MGAT4C: variants seen among roughly 807,000 people sequenced by gnomAD.
MGAT4C encodes the protein MGAT4 family member C, also known as alpha-1,3-mannosyl-glycoprotein 4-beta-N-acetylglucosaminyltransferase C.
A neutral mutation model predicts 40.1 loss-of-function variants in MGAT4C; 19 were observed. The ratio of observed to expected loss-of-function variants is 0.47; its 90% CI spans 0.33 to 0.70. MGAT4C has a LOEUF of 0.70. MGAT4C is among the 30% of genes least tolerant of loss of function. MGAT4C has a pLI of 0.02. For missense variants in MGAT4C, 491 were observed against 563.2 expected (o/e 0.87, Z 1.30); for synonymous variants, 181 against 187.1 (o/e 0.97, Z 0.27).
intron 2 of MGAT4C, among the ~76,000 whole-genome samples, chr12:86,681,386 C>A (rs1039758695): frequency 5.3e-5 from 8 of 152,014 alleles, no homozygotes; most frequent in Non-Finnish European, 1.2e-4. Flanking sequence ...ATGAGATTTT[C>A]CCTCTTCATA....
chr12:86,010,822 C>T (rs897664246), intron 2 of MGAT4C, among the ~76,000 whole-genome samples: 2 of 152,054 alleles, frequency 1.3e-5, no homozygotes, highest in Admixed American at 1.3e-4. Context: ...TTAATCCATT[C>T]ATGGATTAAT....
chr12:86,551,699 C>A (rs376241695), intron 2 of MGAT4C, among the ~76,000 whole-genome samples: 3 of 152,270 alleles, frequency 2.0e-5, no homozygotes, highest in East Asian at 3.9e-4. Flanking sequence ...TGATGGCAAA[C>A]CCACTGTGTG....
intron 1 of MGAT4C, among the ~76,000 whole-genome samples, chr12:86,092,270 C>T (rs1873020379): frequency 6.6e-6 from 1 of 152,000 alleles, no homozygotes; most frequent in African/African-American, 2.4e-5. Context: ...ACTTCATTCT[C>T]AACATGTTTG....
At chr12:86,179,200 C>T (rs1887833336) in intron 1 of MGAT4C, among the ~76,000 whole-genome samples, 1 of 152,164 alleles carries the variant, frequency 6.6e-6, no homozygotes, top group Non-Finnish European at 1.5e-5. Flanking sequence ...TCTGCTTTTG[C>T]TTCTTCCTCA....
intron 2 of MGAT4C, among the ~76,000 whole-genome samples, chr12:86,504,109 A>G (rs2136338572): frequency 6.6e-6 from 1 of 152,100 alleles, no homozygotes; most frequent in East Asian, 1.9e-4. Flanking sequence ...AATGGACACT[A>G]CCTTCATGAA....
chr12:86,311,661 C>A (rs7957600), intron 4 of MGAT4C, among the ~76,000 whole-genome samples: 98,735 of 152,038 alleles, frequency 0.65, 32,876 homozygotes, highest in South Asian at 0.77. Context: ...GGGTTTAATA[C>A]AACTCTGTGA....
At chr12:86,776,897 A>T (rs897756863) in intron 1 of MGAT4C, among the ~76,000 whole-genome samples, 2 of 152,188 alleles carry the variant, frequency 1.3e-5, no homozygotes, top group African/African-American at 4.8e-5. Context: ...AAATGATTCA[A>T]TTTTTTTGAC....
intron 1 of MGAT4C, among the ~76,000 whole-genome samples, chr12:86,158,444 T>C (rs890156579): frequency 6.6e-6 from 1 of 152,152 alleles, no homozygotes; most frequent in Non-Finnish European, 1.5e-5. Flanking sequence ...TGAAATATAA[T>C]TGTTAAAGGT....
intron 3 of MGAT4C, among the ~76,000 whole-genome samples, chr12:86,369,204 A>G (rs1955670722): frequency 6.6e-6 from 1 of 151,872 alleles, no homozygotes; most frequent in African/African-American, 2.4e-5. Context: ...CATTGCATGG[A>G]ATATCCTTTT....
At chr12:86,349,733 AGTTTT>A (rs1360680444) in intron 3 of MGAT4C, among the ~76,000 whole-genome samples, 2 of 152,092 alleles carry the variant, frequency 1.3e-5, no homozygotes, top group East Asian at 1.9e-4. Context: ...TACATTACTC[AGTTTT>A]GTTTTGTTTT....
At chr12:86,004,114 C>CA (rs1887631963) in intron 2 of MGAT4C, among the ~76,000 whole-genome samples, 1 of 152,004 alleles carries the variant, frequency 6.6e-6, no homozygotes, top group South Asian at 2.1e-4. Flanking sequence ...TAAAAAATGT[C>CA]AAAAAATTTG....
intron 1 of MGAT4C, among the ~76,000 whole-genome samples, chr12:86,099,337 C>T (rs1874515794): frequency 6.6e-6 from 1 of 151,054 alleles, no homozygotes; most frequent in Non-Finnish European, 1.5e-5. Flanking sequence ...TGGCTGGATT[C>T]CATGGTTATT....
At chr12:86,239,058 CT>C (rs1051358481) in intron 1 of MGAT4C, among the ~76,000 whole-genome samples, 1 of 151,282 alleles carries the variant, frequency 6.6e-6, no homozygotes, top group Non-Finnish European at 1.5e-5. Flanking sequence ...AATATTTTAA[CT>C]TTTTTTTTAT....
At chr12:86,717,691 G>GA (rs1950667775) in intron 2 of MGAT4C, among the ~76,000 whole-genome samples, 1 of 152,048 alleles carries the variant, frequency 6.6e-6, no homozygotes. Context: ...GCTGAAACAT[G>GA]AAATAAGAGG....
chr12:86,411,555 T>G (rs116341486), intron 3 of MGAT4C, among the ~76,000 whole-genome samples: 2 of 152,202 alleles, frequency 1.3e-5, no homozygotes, highest in Non-Finnish European at 2.9e-5. Flanking sequence ...AGATATATCC[T>G]GGCTACTTGT....
chr12:86,055,660 C>G (rs1050963921), intron 1 of MGAT4C, among the ~76,000 whole-genome samples: 1 of 151,932 alleles, frequency 6.6e-6, no homozygotes, highest in Non-Finnish European at 1.5e-5. Context: ...ACACTGGATA[C>G]ACATGTTAAT....
chr12:86,182,470 T>C (rs1360598058), intron 1 of MGAT4C, among the ~76,000 whole-genome samples: 1 of 152,182 alleles, frequency 6.6e-6, no homozygotes, highest in African/African-American at 2.4e-5. Context: ...CATGTGCTAA[T>C]GGTAAATCCC....
At chr12:86,081,463 TTTG>T (rs759815668) in intron 1 of MGAT4C, among the ~76,000 whole-genome samples, 10 of 152,124 alleles carry the variant, frequency 6.6e-5, no homozygotes, top group African/African-American at 2.2e-4. Flanking sequence ...TTTGATAGTT[TTTG>T]TTGTTGTTGT....
intron 4 of MGAT4C, among the ~76,000 whole-genome samples, chr12:86,282,557 C>T (rs578063497): frequency 6.6e-6 from 1 of 151,844 alleles, no homozygotes; most frequent in Non-Finnish European, 1.5e-5. Flanking sequence ...GTATACCAGT[C>T]ATAGGTATTT....
Sources: gnomAD v4.1 joint callset for allele counts (sites outside exome capture counted in the v4.1 genomes callset) on GRCh38, gnomAD v4.1.1 for gene constraint, MANE v1.5 for transcripts, NCBI Gene and HGNC (gene_info 2026-07-23, HGNC 2026-07-21) for gene names.